Variants in MOB1B observed in about 807,000 individuals in gnomAD.
MOB1B encodes MOB1 Mps One Binder homolog B.
Under a neutral mutation model 24.4 loss-of-function variants are expected in MOB1B, and 19 were observed. That is an observed-to-expected ratio of 0.78 (90% confidence interval 0.54 to 1.14). The LOEUF is 1.14. Ranked by LOEUF, MOB1B falls within the 50% of genes most tolerant of loss-of-function variation. The pLI is 0.00. For synonymous variants in MOB1B, 76 were observed against 82.1 expected (o/e 0.93, Z 0.40); for missense variants, 243 against 259.6 (o/e 0.94, Z 0.44).
rs886596975 is a variant in MOB1B, at chr4:70,917,058, A to G, written c.14+14508A>G. Reference sequence around the variant, plus strand: ...AGTGTATTATGAGGGATACATTTCTAACACTACTTCTTTTACTTTTAACCT... The same window carrying G: ...AGTGTATTATGAGGGATACATTTCTGACACTACTTCTTTTACTTTTAACCT... On this transcript the variant is annotated intron_variant, in intron 1 of 5. Transcript: ENST00000309395. Among the ~76,000 whole-genome samples the G allele has an allele frequency of 5.9e-5, 9 of 152,194 alleles. No homozygotes were observed. In the East Asian group the frequency reaches 1.5e-3, roughly 26 times the overall value.
intron 1 of MOB1B, among the ~76,000 whole-genome samples, chr4:70,924,690 A>T (rs1736581112): frequency 1.3e-5 from 2 of 152,046 alleles, no homozygotes; most frequent in Admixed American, 6.6e-5. Flanking sequence ...TGTCCAGTTG[A>T]TCTCATTGTT....
chr4:70,945,942 CT>C (rs34913117), intron 1 of MOB1B, among the ~76,000 whole-genome samples: 3,757 of 144,798 alleles, frequency 0.026, 67 homozygotes, highest in Non-Finnish European at 0.038. Flanking sequence ...TTTTGTGGTG[CT>C]TTTTTTTTTT....
At chr4:70,956,887 T>G (rs1738076888) in intron 1 of MOB1B, among the ~76,000 whole-genome samples, 1 of 152,198 alleles carries the variant, frequency 6.6e-6, no homozygotes, top group Non-Finnish European at 1.5e-5. Flanking sequence ...ACTTGAATTG[T>G]ATATTCAGGT....
chr4:70,902,259 G>A (rs1242705922), upstream of MOB1B: 8 of 562,460 alleles, frequency 1.4e-5, no homozygotes, highest in Non-Finnish European at 2.2e-5. Context: ...GGTGGGGGCG[G>A]CGGGGAGCTG....
At chr4:70,937,500 T>A (rs890560692) in intron 1 of MOB1B, among the ~76,000 whole-genome samples, 1 of 151,830 alleles carries the variant, frequency 6.6e-6, no homozygotes, top group Non-Finnish European at 1.5e-5. Flanking sequence ...AATTTTTTTT[T>A]TCTCGTTTCC....
intron 1 of MOB1B, among the ~76,000 whole-genome samples, chr4:70,954,442 T>TTTTTC (rs1327951732): frequency 1.3e-5 from 2 of 152,268 alleles, no homozygotes; most frequent in African/African-American, 2.4e-5. Flanking sequence ...CAGATTTTAT[T>TTTTTC]TTTTCTTTTC....
chr4:70,947,076 G>A (rs1441591728), intron 1 of MOB1B, among the ~76,000 whole-genome samples: 1 of 152,070 alleles, frequency 6.6e-6, no homozygotes, highest in African/African-American at 2.4e-5. Flanking sequence ...TTTAAACTTA[G>A]GGAAGTTCTT....
At chr4:70,965,040 A>G (rs1246563732) in intron 2 of MOB1B, among the ~76,000 whole-genome samples, 3 of 151,610 alleles carry the variant, frequency 2.0e-5, no homozygotes, top group South Asian at 2.1e-4. Flanking sequence ...GCTCACACCT[A>G]TAATCCCAAC....
At chr4:70,914,072 T>TA (rs942544554) in intron 1 of MOB1B, among the ~76,000 whole-genome samples, 26 of 152,290 alleles carry the variant, frequency 1.7e-4, no homozygotes, top group Middle Eastern at 6.8e-3. Context: ...ATAATGGTAT[T>TA]AGTGCCCTGA....
intron 1 of MOB1B, among the ~76,000 whole-genome samples, chr4:70,957,971 T>C (rs865999337): frequency 7.2e-5 from 11 of 151,962 alleles, no homozygotes; most frequent in African/African-American, 2.7e-4. Flanking sequence ...AAAATATTTA[T>C]GTGTATATAT....
chr4:70,959,892 T>A (rs1483126588), intron 2 of MOB1B, among the ~76,000 whole-genome samples: 2 of 152,122 alleles, frequency 1.3e-5, no homozygotes, highest in East Asian at 3.9e-4. Flanking sequence ...TTATTTTTAT[T>A]TTTATTTTGA....
intron 1 of MOB1B, among the ~76,000 whole-genome samples, chr4:70,919,191 G>C (rs1337879353): frequency 6.6e-6 from 1 of 152,010 alleles, no homozygotes; most frequent in Non-Finnish European, 1.5e-5. Context: ...ATAGCATTAG[G>C]AGATATACCT....
At chr4:70,905,318 A>G (rs1209478888) in intron 1 of MOB1B, among the ~76,000 whole-genome samples, 2 of 151,618 alleles carry the variant, frequency 1.3e-5, no homozygotes, top group African/African-American at 2.4e-5. Flanking sequence ...AGCTAACTGT[A>G]GCTTTGACTT....
upstream of MOB1B, among the ~76,000 whole-genome samples, chr4:70,902,091 C>T (rs2148861743): frequency 6.6e-6 from 1 of 152,326 alleles, no homozygotes; most frequent in East Asian, 1.9e-4. Flanking sequence ...TCCGAGAGCT[C>T]TGCCATGACT....
intron 3 of MOB1B, 67 bp downstream of exon 3, chr4:70,970,091 G>A (rs1738696594): frequency 1.1e-6 from 1 of 928,186 alleles, no homozygotes. Flanking sequence ...GAAAAACGAA[G>A]TTTCTGACCA....
At chr4:70,950,181 A>C (rs762457196) in intron 1 of MOB1B, among the ~76,000 whole-genome samples, 4 of 151,974 alleles carry the variant, frequency 2.6e-5, no homozygotes, top group Non-Finnish European at 5.9e-5. Flanking sequence ...CACGCCTGTA[A>C]TCCCAGCACT....
At chr4:70,908,384 G>T (rs1330111932) in intron 1 of MOB1B, among the ~76,000 whole-genome samples, 5 of 148,722 alleles carry the variant, frequency 3.4e-5, no homozygotes, top group Non-Finnish European at 7.4e-5. Flanking sequence ...GTGTATTTCT[G>T]TATAGGAAGA....
intron 1 of MOB1B, among the ~76,000 whole-genome samples, chr4:70,926,205 G>C (rs912284777): frequency 6.6e-6 from 1 of 151,492 alleles, no homozygotes; most frequent in Non-Finnish European, 1.5e-5. Context: ...AGGTGGTCTT[G>C]AACTCCTGGG....
chr4:70,963,068 A>G (rs1259069994), intron 2 of MOB1B, among the ~76,000 whole-genome samples: 1 of 152,158 alleles, frequency 6.6e-6, no homozygotes, highest in Non-Finnish European at 1.5e-5. Context: ...AGAAAATAAA[A>G]AATGAAGCCA....
Sources: allele counts gnomAD v4.1 joint callset (sites outside exome capture counted in the v4.1 genomes callset), GRCh38; gene constraint gnomAD v4.1.1; transcripts MANE v1.5; gene names NCBI Gene and HGNC (gene_info 2026-07-23, HGNC 2026-07-21).